DSC3: variants seen among roughly 807,000 people sequenced by gnomAD.
DSC3 encodes desmocollin 3, also known as desmocollin-3.
A neutral mutation model predicts 89.5 loss-of-function variants in DSC3; 97 were observed. The observed-to-expected ratio is 1.08, with a 90% CI of 0.92 to 1.28. The LOEUF is 1.28. Among genes scored for constraint, DSC3 ranks in the 50% most tolerant of loss-of-function variants. The pLI is 0.00. For missense variants in DSC3, 1,199 were observed against 1,085.3 expected (o/e 1.10, Z -1.47); for synonymous variants, 436 against 384.1 (o/e 1.14, Z -1.58).
rs532561568 is a variant in DSC3, at chr18:31,026,001, T to C, written c.475-86A>G. On this transcript the variant is annotated intron_variant, in intron 4 of 15. Coordinates refer to ENST00000360428, the MANE Select transcript of DSC3 (RefSeq NM_001941.5). ...AAATGCAGCTGATGTATCTTTTTAT[T>C]TTAAAGAGATAATTTCAAAAGAAAA... 1.0e-5 allele frequency: 13 copies of C among 1,242,510 alleles called. No homozygotes were observed. In the South Asian group the frequency reaches 1.6e-4, roughly 16 times the overall value. 77.0% of individuals were successfully genotyped at this position (1,242,510 alleles called of 1,614,324 possible).
In DSC3 at chr18:30,989,366, A is replaced by T. The variant is rs1037713412; in HGVS notation, c.*4809T>A. On this transcript the variant is annotated 3_prime_UTR_variant, in exon 16 of 16. Transcript: ENST00000360428. ...AGAAGCCAGACACACAAGGCCACATATGTACGATTTCATTTATATGAATGT... is the reference window on the plus strand; with the variant it reads ...AGAAGCCAGACACACAAGGCCACATTTGTACGATTTCATTTATATGAATGT... 1.3e-5 allele frequency among the ~76,000 whole-genome samples: 2 copies of T among 152,186 alleles called. No homozygotes were observed. Among genetic ancestry groups the T allele is most frequent in the Non-Finnish European group, 2.9e-5 (2 of 68,034 alleles).
chr18:30,999,402 T>C (rs1984579603), intron 14 of DSC3, among the ~76,000 whole-genome samples: 1 of 151,932 alleles, frequency 6.6e-6, no homozygotes, highest in Non-Finnish European at 1.5e-5. Context: ...CTACCCTACA[T>C]TTTTTTATTT....
In DSC3 at chr18:31,006,959, C is replaced by T; in HGVS notation, c.1836G>A (p.Leu612=). The change falls in exon 12 of 16, where the codon TTG becomes TTA. Residue 612 remains leucine (L), a synonymous_variant. Coordinates refer to ENST00000360428, the MANE Select transcript of DSC3 (RefSeq NM_001941.5). Reference sequence around the variant, plus strand: ...TACTGATTTCTGGAGAAGTATTGGGCAAACTGAAATAAAATGGAGCTCCAT... The same window carrying T: ...TACTGATTTCTGGAGAAGTATTGGGTAAACTGAAATAAAATGGAGCTCCAT... The part of the protein sequence containing the change: ...PVHGAPFYFS[L]PNTSPEISRL... The T allele has an allele frequency of 6.2e-7, 1 of 1,613,856 alleles. No individual in the cohort carries two copies. The highest frequency in any genetic ancestry group is 8.5e-7 in the Non-Finnish European group (1 of 1,179,928).
rs753333520 is a variant in DSC3, at chr18:31,008,250, G to T, written c.1520+19C>A. On this transcript the variant is annotated intron_variant, in intron 10 of 15. Transcript: ENST00000360428. ...ATTACAAATACATTATTAGTATGTGGTTATAGATTTATTTTTACCTTAAAC... is the reference window on the plus strand; with the variant it reads ...ATTACAAATACATTATTAGTATGTGTTTATAGATTTATTTTTACCTTAAAC... 36 of 1,613,160 alleles carry T rather than the reference G, an allele frequency of 2.2e-5. No individual in the cohort carries two copies. Among genetic ancestry groups the T allele is most frequent in the Non-Finnish European group, 3.0e-5 (35 of 1,179,518 alleles).
chr18:31,021,627 T>C (rs1008951677), intron 7 of DSC3, among the ~76,000 whole-genome samples: 5 of 152,158 alleles, frequency 3.3e-5, no homozygotes, highest in African/African-American at 1.2e-4. Flanking sequence ...ATTTTGTCCA[T>C]ATAAAATTGA....
chr18:31,009,955 T>G (rs1224078754), intron 9 of DSC3, among the ~76,000 whole-genome samples: 1 of 152,232 alleles, frequency 6.6e-6, no homozygotes, highest in African/African-American at 2.4e-5. Flanking sequence ...AATTCAGTTT[T>G]AGATAACAAA....
rs1269856704 is a variant in DSC3 at position 30,990,706 on chromosome 18, C to T, written c.*3469G>A. ...ATATCGCCTGCTTTTCTTTTTAACT[C>T]ATGTTTTCCCTTGACTACACTGGTC... On this transcript the variant is annotated 3_prime_UTR_variant, in exon 16 of 16. Coordinates refer to ENST00000360428, the MANE Select transcript of DSC3 (RefSeq NM_001941.5). 6.6e-6 allele frequency: 1 copy of T among 152,142 alleles called. No individual in the cohort carries two copies. Among genetic ancestry groups the T allele is most frequent in the Non-Finnish European group, 1.5e-5 (1 of 68,016 alleles). 9.4% of individuals were successfully genotyped at this position (152,142 alleles called of 1,614,324 possible).
At position 30,990,480 on chromosome 18, in the gene DSC3, T is replaced by C. The variant is rs1210849344; in HGVS notation, c.*3695A>G. 2.0e-5 allele frequency: 3 copies of C among 152,240 alleles called. No individual in the cohort carries two copies. The highest frequency in any genetic ancestry group is 4.4e-5 in the Non-Finnish European group (3 of 68,050). 9.4% of individuals were successfully genotyped at this position (152,240 alleles called of 1,614,324 possible). A position where few individuals can be genotyped will look rare whatever the true frequency, so the allele number is the denominator to read the frequency against. ...ATAGAAGTTACTGGAATTGAAATTT[T>C]GGTTCAACCTATATTAAAATGTAAG... On this transcript the variant is annotated 3_prime_UTR_variant, in exon 16 of 16. Transcript: ENST00000360428.
chr18:31,033,796 T>G (rs1196714873), intron 1 of DSC3, among the ~76,000 whole-genome samples: 1 of 152,204 alleles, frequency 6.6e-6, no homozygotes, highest in African/African-American at 2.4e-5. Context: ...TTTACAAAAG[T>G]GAAAAATACA....
chr18:31,036,488 T>C (rs533354173), intron 1 of DSC3, among the ~76,000 whole-genome samples: 3 of 152,274 alleles, frequency 2.0e-5, no homozygotes, highest in African/African-American at 7.2e-5. Context: ...TTTTGTTTTT[T>C]TCATTTGACA....
chr18:31,022,229 C>T (rs527680803), intron 7 of DSC3, 107 bp downstream of exon 7: 10 of 1,337,344 alleles, frequency 7.5e-6, no homozygotes, highest in Non-Finnish European at 1.0e-5. Flanking sequence ...TTGTCTTATG[C>T]CTAAAATAAA....
chr18:31,030,563 G>C (rs1985750334), intron 3 of DSC3, among the ~76,000 whole-genome samples: 1 of 152,182 alleles, frequency 6.6e-6, no homozygotes, highest in Admixed American at 6.5e-5. Flanking sequence ...TTAGAATGTA[G>C]AGGTGGAAGA....
At chr18:31,022,025 C>T (rs925084333) in intron 7 of DSC3, among the ~76,000 whole-genome samples, 8 of 151,814 alleles carry the variant, frequency 5.3e-5, no homozygotes, top group African/African-American at 1.9e-4. Context: ...ATTAATTGTC[C>T]TACATGAAAA....
intron 1 of DSC3, among the ~76,000 whole-genome samples, chr18:31,039,859 C>T (rs914328794): frequency 4.6e-5 from 7 of 152,130 alleles, no homozygotes; most frequent in South Asian, 2.1e-4. Flanking sequence ...TCTAAATATA[C>T]GTATACTATA....
In DSC3 at chr18:31,012,521, T is replaced by C. The variant is rs142608399; in HGVS notation, c.1264-3996A>G. On this transcript the variant is annotated intron_variant, in intron 9 of 15. Transcript: ENST00000360428. ...ATAGTCTGGACATTCAACACCTGAC[T>C]GTGGGGTACAAATCACCTATCCTAG... Among the ~76,000 whole-genome samples, 104 of 152,296 alleles carry C rather than the reference T, an allele frequency of 6.8e-4. 1 individual carries two copies. The East Asian group carries it at 0.017, about 25-fold the overall frequency.
chr18:31,017,649 ATATT>A (rs1985279622), intron 9 of DSC3, among the ~76,000 whole-genome samples: 1 of 152,208 alleles, frequency 6.6e-6, no homozygotes, highest in African/African-American at 2.4e-5. Context: ...GAAATTGAGA[ATATT>A]TATCTTACAG....
chr18:31,037,468 G>A (rs1459677224), intron 1 of DSC3, among the ~76,000 whole-genome samples: 1 of 152,160 alleles, frequency 6.6e-6, no homozygotes, highest in Non-Finnish European at 1.5e-5. Flanking sequence ...AGAAACACCT[G>A]TACTGACCAT....
intron 9 of DSC3, among the ~76,000 whole-genome samples, chr18:31,013,343 A>G (rs984683886): frequency 3.2e-5 from 4 of 126,066 alleles, no homozygotes; most frequent in African/African-American, 1.2e-4. Context: ...TGGATAGATA[A>G]TTAAACAATA....
chr18:31,000,043 C>A (rs1327560042), intron 14 of DSC3, among the ~76,000 whole-genome samples: 1 of 151,980 alleles, frequency 6.6e-6, no homozygotes, highest in African/African-American at 2.4e-5. Flanking sequence ...AGGGATTAAA[C>A]CTGCTTTCTC....
Sources: allele counts gnomAD v4.1 joint callset (sites outside exome capture counted in the v4.1 genomes callset), GRCh38; gene constraint gnomAD v4.1.1; transcripts MANE v1.5; gene names NCBI Gene and HGNC (gene_info 2026-07-23, HGNC 2026-07-21).